Variants in TRMT10A observed in about 807,000 individuals in gnomAD.
The protein encoded by TRMT10A is tRNA methyltransferase 10 homolog A.
Under a neutral mutation model 40.4 loss-of-function variants are expected in TRMT10A, and 37 were observed. The observed-to-expected ratio is 0.92, with a 90% CI of 0.71 to 1.21. The LOEUF (loss-of-function observed/expected upper bound fraction) is 1.21, where lower values mean the gene tolerates loss of function less well. TRMT10A is among the 50% of genes most tolerant of loss of function. TRMT10A has a pLI of 0.00. For synonymous variants in TRMT10A, 103 were observed against 134.1 expected, an observed-to-expected ratio of 0.77 and a Z score of 1.60; for missense variants, 388 against 404.3, an observed-to-expected ratio of 0.96 and a Z score of 0.35.
chr4:99,552,049 A>G (rs1723985509), intron 6 of TRMT10A, among the ~76,000 whole-genome samples: 1 of 152,144 alleles, frequency 6.6e-6, no homozygotes, highest in African/African-American at 2.4e-5. Context: ...GCTAAATGTT[A>G]TTACAAAAGA....
chr4:99,558,015 C>T (rs755381275), intron 3 of TRMT10A, 34 bp downstream of exon 3: 38 of 1,514,080 alleles, frequency 2.5e-5, no homozygotes, highest in Non-Finnish European at 3.4e-5. Flanking sequence ...ACCTAATTCA[C>T]ATACAAGATT....
chr4:99,552,228 G>A (rs939135276), intron 6 of TRMT10A, among the ~76,000 whole-genome samples: 8 of 152,126 alleles, frequency 5.3e-5, no homozygotes, highest in African/African-American at 1.7e-4. Flanking sequence ...CATTTAATTT[G>A]CCACTCACTT....
chr4:99,554,716 A>G (rs1491234), intron 5 of TRMT10A, among the ~76,000 whole-genome samples: 11,953 of 109,706 alleles, frequency 0.11, 934 homozygotes, highest in African/African-American at 0.26. Flanking sequence ...GCAAGCGACT[A>G]CGTTTCAAAA....
intron 5 of TRMT10A, 59 bp from the exon 6 acceptor site, chr4:99,553,993 A>G: frequency 6.5e-7 from 1 of 1,533,884 alleles, no homozygotes; most frequent in Non-Finnish European, 8.8e-7. Context: ...AGTTGGCTAA[A>G]AATGATTATT....
chr4:99,561,921 T>C (rs1724413699), intron 1 of TRMT10A, among the ~76,000 whole-genome samples: 1 of 152,150 alleles, frequency 6.6e-6, no homozygotes, highest in Non-Finnish European at 1.5e-5. Context: ...GGCTCATGCC[T>C]GTAATCCCAA....
chr4:99,551,954 A>G (rs1449505954), intron 6 of TRMT10A, among the ~76,000 whole-genome samples: 1 of 152,052 alleles, frequency 6.6e-6, no homozygotes, highest in Non-Finnish European at 1.5e-5. Context: ...AAAAGTTAAA[A>G]AATTAAGAAT....
At chr4:99,558,259 T>C (rs1578212650) in intron 2 of TRMT10A, 48 bp from the exon 3 acceptor site, 1 of 1,410,592 alleles carries the variant, frequency 7.1e-7, no homozygotes, top group Non-Finnish European at 9.6e-7. Context: ...TATTCAGTTA[T>C]TTACAAGACT....
chr4:99,562,000 G>T (rs377686457), intron 1 of TRMT10A, among the ~76,000 whole-genome samples: 2 of 151,830 alleles, frequency 1.3e-5, no homozygotes, highest in Non-Finnish European at 2.9e-5. Flanking sequence ...GCGATACCTC[G>T]TCTCTACTAA....
At chr4:99,551,110 A>C in intron 6 of TRMT10A, 120 bp from the exon 7 acceptor site, 1 of 667,732 alleles carries the variant, frequency 1.5e-6, no homozygotes, top group Non-Finnish European at 2.4e-6. Flanking sequence ...AGAGAATATT[A>C]TCTGAATGGG....
chr4:99,559,145 AAC>A lies in TRMT10A; in HGVS notation c.185+7_185+8del. 1.2e-6 allele frequency: 2 copies of A among 1,608,536 alleles called. No individual in the cohort carries two copies. Among genetic ancestry groups the A allele is most frequent in the South Asian group, 1.1e-5 (1 of 90,050 alleles). On this transcript the variant is annotated splice_region_variant and intron_variant, in intron 2 of 7. Transcript: ENST00000394876. ...TAGGAAGAGAGCATATACATTTTGA[AAC>A]ACATACTTGCGGAGTTCCCGTTGCT... is the stretch of plus-strand genomic sequence containing the variant.
At chr4:99,553,669 C>A in intron 6 of TRMT10A, 116 bp downstream of exon 6, 1 of 1,013,726 alleles carries the variant, frequency 9.9e-7, no homozygotes, top group Non-Finnish European at 1.4e-6. Flanking sequence ...AGGTGACTGA[C>A]ATATAGTAGG....
Position 99,548,431 on chromosome 4 carries a change from C to A in TRMT10A, c.*657G>T, listed in dbSNP as rs1273850630. 1 of 151,994 alleles carries A rather than the reference C, an allele frequency of 6.6e-6. No individual in the cohort carries two copies. The highest frequency in any genetic ancestry group is 2.1e-4 in the South Asian group (1 of 4,820). 9.4% of individuals were successfully genotyped at this position (151,994 alleles called of 1,614,324 possible). On this transcript the variant is annotated 3_prime_UTR_variant, in exon 8 of 8. Transcript: ENST00000394876. The stretch of plus-strand genomic sequence containing the variant: ...TTTTATAATTGAAGTAACTTATCAC[C>A]ATTGTAAGAATTAAGAAAATGCATT...
intron 6 of TRMT10A, 103 bp from the exon 7 acceptor site, chr4:99,551,093 A>C: frequency 3.2e-6 from 2 of 619,946 alleles, no homozygotes; most frequent in Non-Finnish European, 5.0e-6. Context: ...CAGAGAATTT[A>C]TAGTTCAGAG....
chr4:99,562,851 C>T (rs1479565198), intron 1 of TRMT10A, among the ~76,000 whole-genome samples: 1 of 133,378 alleles, frequency 7.5e-6, no homozygotes, highest in African/African-American at 2.9e-5. Flanking sequence ...GACGGAGTTT[C>T]GCTCTTGTTG....
chr4:99,552,881 T>G (rs992048673), intron 6 of TRMT10A, among the ~76,000 whole-genome samples: 2 of 151,720 alleles, frequency 1.3e-5, no homozygotes, highest in African/African-American at 4.8e-5. Flanking sequence ...ATGGTTTGCA[T>G]ACTTGGTGGG....
Position 99,548,755 on chromosome 4 carries a change from ACTG to A in TRMT10A, c.*330_*332del, listed in dbSNP as rs1723837129. 3 of 180,838 alleles carry A rather than the reference ACTG, an allele frequency of 1.7e-5. No homozygotes were observed. Among genetic ancestry groups the A allele is most frequent in the Non-Finnish European group, 3.4e-5 (3 of 87,356 alleles). 11.2% of individuals were successfully genotyped at this position (180,838 alleles called of 1,614,324 possible). On this transcript the variant is annotated 3_prime_UTR_variant, in exon 8 of 8. Transcript: ENST00000394876. ...GTTGATGTGACTATAAAATTAAAAA[ACTG>A]AAAGGTCAGAAGGCACATTCTAAAG...
chr4:99,555,061 C>A (rs577724671), intron 5 of TRMT10A, among the ~76,000 whole-genome samples: 1 of 152,062 alleles, frequency 6.6e-6, no homozygotes, highest in Non-Finnish European at 1.5e-5. Flanking sequence ...CCAAGAGGAA[C>A]CTGATTAATT....
Position 99,551,868 on chromosome 4 carries a change from G to A in TRMT10A, c.646-878C>T, listed in dbSNP as rs117875020. On this transcript the variant is annotated intron_variant, in intron 6 of 7. Transcript: ENST00000394876. The stretch of plus-strand genomic sequence containing the variant: ...TCTATGTAGGCCTAGGCTAATGTGT[G>A]TGTTTGTGTAGTAGTTTTTAACAAA... 5.3e-3 allele frequency among the ~76,000 whole-genome samples: 801 copies of A among 151,544 alleles called. 16 individuals are homozygous for A. The highest frequency in any genetic ancestry group is 0.051 in the East Asian group (264 of 5,146).
rs1216986428 is a variant in TRMT10A at position 99,553,950 on chromosome 4, G to A, written c.496-16C>T. On this transcript the variant is annotated splice_polypyrimidine_tract_variant and intron_variant, in intron 5 of 7. Coordinates refer to ENST00000394876, the MANE Select transcript of TRMT10A (RefSeq NM_001134665.3). ...TATGGATATCCTTTAAGACAACAGG[G>A]AAAGAGGTTACTAATTAATAAGACC... 5 of 1,606,788 alleles carry A rather than the reference G, an allele frequency of 3.1e-6. No homozygotes were observed. The highest frequency in any genetic ancestry group is 2.5e-6 in the Non-Finnish European group (3 of 1,178,172).
Sources: gnomAD v4.1 joint callset for allele counts (sites outside exome capture counted in the v4.1 genomes callset) on GRCh38, gnomAD v4.1.1 for gene constraint, MANE v1.5 for transcripts, NCBI Gene and HGNC (gene_info 2026-07-23, HGNC 2026-07-21) for gene names.